BBS1: variants seen among roughly 807,000 people sequenced by gnomAD.
BBS1 encodes BBSome complex member BBS1.
A neutral mutation model predicts 73.9 loss-of-function variants in BBS1; 60 were observed. That is an observed-to-expected ratio of 0.81 (90% CI 0.66 to 1.01). The LOEUF is 1.01. Among genes scored for constraint, BBS1 ranks in the 50% least tolerant of loss-of-function variants. BBS1 has a pLI of 0.00. For missense variants in BBS1, 718 were observed against 770.3 expected, an observed-to-expected ratio of 0.93 and a Z score of 0.80; for synonymous variants, 283 against 317.4, an observed-to-expected ratio of 0.89 and a Z score of 1.15.
intron 3 of BBS1, among the ~76,000 whole-genome samples, chr11:66,513,231 C>T (rs1325230688): frequency 6.6e-6 from 1 of 151,016 alleles, no homozygotes; most frequent in African/African-American, 2.4e-5. Flanking sequence ...TGAAGTCTAT[C>T]AAGAAGTCAA....
chr11:66,527,334 A>G (rs1472335386), intron 13 of BBS1, among the ~76,000 whole-genome samples: 3 of 151,866 alleles, frequency 2.0e-5, no homozygotes, highest in Admixed American at 6.6e-5. Context: ...TTCAGTACCT[A>G]TGATTACACC....
At position 66,511,063 on chromosome 11, in the gene BBS1, A is replaced by G; in HGVS notation, c.98A>G (p.Asn33Ser). ...GATGCGCACTACGACCCAATGGCCA[A>G]TATCCACACCTTTTCTGCCTGCCTA... is the stretch of plus-strand genomic sequence containing the variant. ...WLDAHYDPMANIHTFSACLAL... is the reference protein window; with the variant it reads ...WLDAHYDPMASIHTFSACLAL... Residue 33 changes from asparagine to serine, a missense_variant, in exon 2 of 17, where the codon AAT (asparagine) becomes AGT (serine). Transcript: ENST00000318312. 6 of 1,614,188 alleles carry G rather than the reference A, an allele frequency of 3.7e-6. No homozygotes were observed. Among genetic ancestry groups the G allele is most frequent in the Non-Finnish European group, 5.1e-6 (6 of 1,180,036 alleles).
Position 66,515,535 on chromosome 11 carries a change from C to T in BBS1, c.433-5C>T, listed in dbSNP as rs542052064. 484 of 1,614,110 alleles carry T rather than the reference C, an allele frequency of 3.0e-4. 5 individuals are homozygous for T. The South Asian group carries it at 5.0e-3, about 17-fold the overall frequency. On this transcript the variant is annotated splice_region_variant and splice_polypyrimidine_tract_variant and intron_variant, in intron 4 of 16. Coordinates refer to ENST00000318312, the MANE Select transcript of BBS1 (RefSeq NM_024649.5). ...CTCACAGGCTCTCTTCCCACATTGT[C>T]ACAGGACCGAATCGACCCCTTAACC...
chr11:66,510,762 G>A (rs1001678181), intron 1 of BBS1, 56 bp downstream of exon 1: 16 of 1,608,288 alleles, frequency 9.9e-6, no homozygotes, highest in Non-Finnish European at 1.3e-5. Context: ...AGGGTCCCTT[G>A]GTCCCCGGGC....
In BBS1 at chr11:66,523,534, G is replaced by A. The variant is rs756220791; in HGVS notation, c.909G>A (p.Val303=). The A allele has an allele frequency of 1.2e-6, 2 of 1,614,148 alleles. No homozygotes were observed. The highest frequency in any genetic ancestry group is 1.1e-5 in the South Asian group (1 of 91,080). The change falls in exon 10 of 17, where the codon GTG becomes GTA. Residue 303 remains valine, a synonymous_variant. Coordinates refer to ENST00000318312, the MANE Select transcript of BBS1 (RefSeq NM_024649.5). ...TTATCCGGGTACACAAGGTCCTAGT[G>A]GTGGGCAGCACCCAAGACAGCCTGC... The part of the protein sequence containing the change: ...VGLIRVHKVL[V]VGSTQDSLHG...
At chr11:66,519,305 A>G (rs1243328437) in intron 7 of BBS1, among the ~76,000 whole-genome samples, 2 of 151,876 alleles carry the variant, frequency 1.3e-5, no homozygotes. Context: ...TGCGAGGCAG[A>G]GGTTGCAGTG....
At chr11:66,516,526 T>A (rs1394285605) in intron 7 of BBS1, among the ~76,000 whole-genome samples, 1 of 152,050 alleles carries the variant, frequency 6.6e-6, no homozygotes, top group African/African-American at 2.4e-5. Context: ...CATTAGGCAC[T>A]GAAAATCATT....
intron 13 of BBS1, among the ~76,000 whole-genome samples, chr11:66,528,484 C>G (rs1163564544): frequency 6.6e-6 from 1 of 152,064 alleles, no homozygotes; most frequent in Non-Finnish European, 1.5e-5. Context: ...TGAACTCAAG[C>G]TGTGGGAATC....
intron 7 of BBS1, among the ~76,000 whole-genome samples, chr11:66,516,242 C>T (rs1450076268): frequency 2.0e-5 from 3 of 151,096 alleles, no homozygotes; most frequent in Non-Finnish European, 4.4e-5. Flanking sequence ...TCTCCTGCCT[C>T]AGCCTCCCAA....
At chr11:66,512,152 T>C (rs1463114111) in intron 3 of BBS1, among the ~76,000 whole-genome samples, 1 of 151,254 alleles carries the variant, frequency 6.6e-6, no homozygotes, top group Non-Finnish European at 1.5e-5. Context: ...TATATTGGGA[T>C]AAAAGAAAGG....
chr11:66,530,622 AGGG>A (rs1285835930), intron 14 of BBS1, among the ~76,000 whole-genome samples: 3 of 151,374 alleles, frequency 2.0e-5, no homozygotes, highest in Non-Finnish European at 4.4e-5. Flanking sequence ...TGGAACAGGC[AGGG>A]GGTGGGGGTG....
chr11:66,528,211 C>T (rs898293648), intron 13 of BBS1, among the ~76,000 whole-genome samples: 1 of 151,998 alleles, frequency 6.6e-6, no homozygotes, highest in Non-Finnish European at 1.5e-5. Flanking sequence ...AGCCAGACTC[C>T]GTCTCAAAGA....
At chr11:66,529,416 A>T (rs778850754) in intron 13 of BBS1, 2 of 1,032,206 alleles carry the variant, frequency 1.9e-6, no homozygotes, top group African/African-American at 3.2e-5. Flanking sequence ...CTGGAGACAC[A>T]TGCACAATAT....
intron 7 of BBS1, among the ~76,000 whole-genome samples, chr11:66,518,095 T>C (rs1346614176): frequency 2.0e-5 from 3 of 151,344 alleles, no homozygotes; most frequent in African/African-American, 7.3e-5. Flanking sequence ...GTAGATGGGA[T>C]TACAGGGATG....
chr11:66,527,107 T>A, intron 13 of BBS1: 1 of 1,279,780 alleles, frequency 7.8e-7, no homozygotes, highest in Non-Finnish European at 1.1e-6. Context: ...CTGGGCATGG[T>A]GGCTCACGCC....
intron 15 of BBS1, 87 bp downstream of exon 15, chr11:66,531,115 G>C (rs1856762647): frequency 1.3e-6 from 2 of 1,562,664 alleles, no homozygotes; most frequent in Admixed American, 3.7e-5. Flanking sequence ...GCCAGGTCAG[G>C]GTCAGAGCGT....
intron 13 of BBS1, chr11:66,529,195 GGCGGGGTGGGCCC>G: frequency 6.8e-7 from 1 of 1,469,596 alleles, no homozygotes; most frequent in Non-Finnish European, 9.0e-7. Context: ...GTGGGGTGGG[GGCGGGGTGGGCCC>G]TGGAGGTGGC....
Position 66,520,814 on chromosome 11 carries a change from A to G in BBS1, c.724-456A>G, listed in dbSNP as rs56380786. 428 of 258,318 alleles carry G rather than the reference A, an allele frequency of 1.7e-3. 1 individual carries two copies. Among genetic ancestry groups the G allele is most frequent in the African/African-American group, 9.0e-3 (407 of 44,980 alleles). 16.0% of individuals were successfully genotyped at this position (258,318 alleles called of 1,614,324 possible). A position where few individuals can be genotyped will look rare whatever the true frequency, so the allele number is the denominator to read the frequency against. ...AGTGGTACAATCTCAGCTTACTGCA[A>G]CCTATGCCACCTGGGCTCAAACAGT... is the stretch of plus-strand genomic sequence containing the variant. On this transcript the variant is annotated intron_variant, in intron 8 of 16. Transcript: ENST00000318312.
At position 66,532,016 on chromosome 11, in the gene BBS1, C is replaced by T. The variant is rs768390063; in HGVS notation, c.1761C>T (p.Ser587=). 11 of 1,607,118 alleles carry T rather than the reference C, an allele frequency of 6.8e-6. 1 individual carries two copies. In the Middle Eastern group the frequency reaches 8.2e-4, roughly 120 times the overall value. The change falls in exon 17 of 17, where the codon AGC becomes AGT. Residue 587 remains serine (S), a synonymous_variant. Coordinates refer to ENST00000318312, the MANE Select transcript of BBS1 (RefSeq NM_024649.5). ...GTGCCCACGTCAACATGCCTGGGAG[C>T]GAGGGGCTGGCGGCCGCCTGAGACC... The part of the protein sequence containing the change: ...LLSAHVNMPG[S]EGLAAA
Sources: gnomAD v4.1 joint callset for allele counts (sites outside exome capture counted in the v4.1 genomes callset) on GRCh38, gnomAD v4.1.1 for gene constraint, MANE v1.5 for transcripts, NCBI Gene and HGNC (gene_info 2026-07-23, HGNC 2026-07-21) for gene names.